DNAH14: variants seen among roughly 807,000 people sequenced by gnomAD.
DNAH14 encodes dynein axonemal heavy chain 14, also known as axonemal beta dynein heavy chain 14.
DNAH14 carries 478 observed loss-of-function variants against 520.9 expected under a neutral mutation model. The observed-to-expected ratio is 0.92, with a 90% CI of 0.85 to 0.99. The LOEUF is 0.99. Among genes scored for constraint, DNAH14 ranks in the 50% least tolerant of loss-of-function variants. The pLI is 0.00. For synonymous variants in DNAH14, 1,581 were observed against 1,757.2 expected, an observed-to-expected ratio of 0.90 and a Z score of 2.51; for missense variants, 4,831 against 5,234.5, an observed-to-expected ratio of 0.92 and a Z score of 2.38.
intron 82 of DNAH14, 38 bp from the exon 83 acceptor site, chr1:225,389,696 T>C (rs748378416): frequency 4.6e-5 from 71 of 1,547,286 alleles, no homozygotes; most frequent in Non-Finnish European, 5.7e-5. Context: ...GCAATTATTA[T>C]GCCCTTAACC....
At chr1:225,008,756 A>C (rs2064425589) in intron 10 of DNAH14, among the ~76,000 whole-genome samples, 1 of 151,854 alleles carries the variant, frequency 6.6e-6, no homozygotes, top group Admixed American at 6.6e-5. Flanking sequence ...CGCCCTTCTA[A>C]CTGGCATGAG....
intron 21 of DNAH14, among the ~76,000 whole-genome samples, chr1:225,096,307 A>T (rs1238969310): frequency 2.0e-5 from 3 of 152,156 alleles, no homozygotes; most frequent in Non-Finnish European, 4.4e-5. Context: ...AAATATGTGC[A>T]GTTTCTTGTG....
intron 8 of DNAH14, among the ~76,000 whole-genome samples, chr1:224,984,664 A>G (rs1201839241): frequency 6.6e-6 from 1 of 152,204 alleles, no homozygotes; most frequent in East Asian, 1.9e-4. Context: ...ACTAATATCC[A>G]GAATCTACAA....
rs1182031695 is a variant in DNAH14 at position 225,377,419 on chromosome 1, T to G, written c.12699T>G (p.Thr4233=). ...NLIAMQPKTT[T]ANLMIRPEQS... Reference sequence around the variant, plus strand: ...TTGCCATGCAACCAAAAACTACCACTGCCAACCTCATGATCAGGTAAGAAC... The same window carrying G: ...TTGCCATGCAACCAAAAACTACCACGGCCAACCTCATGATCAGGTAAGAAC... Residue 4233 remains threonine, a synonymous_variant, in exon 79 of 86, where the codon ACT becomes ACG. Coordinates refer to ENST00000682510, the MANE Select transcript of DNAH14 (RefSeq NM_001367479.1). 6.5e-7 allele frequency: 1 copy of G among 1,550,154 alleles called. No homozygotes were observed. Among genetic ancestry groups the G allele is most frequent in the East Asian group, 2.4e-5 (1 of 40,866 alleles).
intron 21 of DNAH14, among the ~76,000 whole-genome samples, chr1:225,089,464 A>AAAGAG (rs775049047): frequency 7.2e-6 from 1 of 138,462 alleles, no homozygotes; most frequent in Non-Finnish European, 1.6e-5. Context: ...AAAAAAAAAA[A>AAAGAG]AGAGAGCGAG....
rs538853092 is a variant in DNAH14 at position 225,204,272 on chromosome 1, C to T, written c.5976C>T (p.His1992=). 13 of 1,443,214 alleles carry T rather than the reference C, an allele frequency of 9.0e-6. No individual in the cohort carries two copies. The African/African-American group carries it at 1.5e-4, about 16-fold the overall frequency. 89.4% of individuals were successfully genotyped at this position (1,443,214 alleles called of 1,614,324 possible). ...AAGTTGTTAAAATTCCAGAAAATCA[C>T]AGTAAGTGTTACTAAATTCAAGAAA... The part of the protein sequence containing the change: ...IEKVVKIPEN[H]NFDWQWIILD... Residue 1992 remains histidine, a splice_region_variant and synonymous_variant, in exon 39 of 86, where the codon CAC becomes CAT. Transcript: ENST00000682510.
intron 37 of DNAH14, among the ~76,000 whole-genome samples, chr1:225,191,977 G>T (rs1187655260): frequency 6.6e-6 from 1 of 151,648 alleles, no homozygotes; most frequent in East Asian, 1.9e-4. Flanking sequence ...CTTGATCTTT[G>T]CTGGGGTAGT....
chr1:225,247,868 A>C (rs2149685204), intron 43 of DNAH14, among the ~76,000 whole-genome samples: 1 of 152,150 alleles, frequency 6.6e-6, no homozygotes, highest in East Asian at 1.9e-4. Context: ...AAATACAAAA[A>C]ACTAGCCAGG....
intron 35 of DNAH14, among the ~76,000 whole-genome samples, chr1:225,165,691 C>T (rs2081975539): frequency 6.6e-6 from 1 of 151,962 alleles, no homozygotes; most frequent in African/African-American, 2.4e-5. Context: ...TCAAGCAATC[C>T]TCCTGCCTCA....
chr1:225,219,472 A>C (rs2089808754), intron 41 of DNAH14, among the ~76,000 whole-genome samples: 1 of 152,008 alleles, frequency 6.6e-6, no homozygotes, highest in Non-Finnish European at 1.5e-5. Flanking sequence ...ATGATAAAGG[A>C]GAGATCACCA....
chr1:225,170,323 G>A (rs1411657625), intron 36 of DNAH14, among the ~76,000 whole-genome samples: 1 of 152,274 alleles, frequency 6.6e-6, no homozygotes, highest in East Asian at 1.9e-4. Context: ...ACACAGACTG[G>A]CAAATTGGAT....
intron 1 of DNAH14, among the ~76,000 whole-genome samples, chr1:224,944,415 A>G (rs965188041): frequency 1.3e-5 from 2 of 152,186 alleles, no homozygotes; most frequent in African/African-American, 4.8e-5. Context: ...TCCTGAATAC[A>G]GCACACTGAT....
chr1:225,064,167 C>A (rs940452580), intron 17 of DNAH14, among the ~76,000 whole-genome samples: 23 of 152,012 alleles, frequency 1.5e-4, no homozygotes, highest in Admixed American at 2.6e-4. Context: ...ATGACAGATA[C>A]AACCTGTGCT....
At position 225,346,339 on chromosome 1, in the gene DNAH14, A is replaced by G. The variant is rs768852567; in HGVS notation, c.11056A>G (p.Ile3686Val). ...ENEKNLLDKH[I>V]KSAIDMLTKS... Reference sequence around the variant, plus strand: ...TGAGAAAAATCTCTTAGATAAGCATATTAAAAGTGCAATAGACATGTTGAC... The same window carrying G: ...TGAGAAAAATCTCTTAGATAAGCATGTTAAAAGTGCAATAGACATGTTGAC... Residue 3686 changes from isoleucine (I) to valine (V), a missense_variant, in exon 70 of 86, where the codon ATT becomes GTT. Ile to Val is a conservative substitution (Grantham distance 29, BLOSUM62 3). Coordinates refer to ENST00000682510, the MANE Select transcript of DNAH14 (RefSeq NM_001367479.1). The G allele has an allele frequency of 2.6e-6, 4 of 1,536,552 alleles. No homozygotes were observed. The highest frequency in any genetic ancestry group is 2.5e-5 in the South Asian group (2 of 81,380).
Position 225,206,315 on chromosome 1 carries a change from C to A in DNAH14, c.6186+136C>A. The A allele has an allele frequency of 5.3e-6, 4 of 759,016 alleles. No individual in the cohort carries two copies. In the South Asian group the frequency reaches 6.4e-5, roughly 12 times the overall value. The allele number at this position is 759,016 out of a possible 1,614,324, so 47.0% of individuals were successfully genotyped here. A position where few individuals can be genotyped will look rare whatever the true frequency, so the allele number is the denominator to read the frequency against. ...CAGCATGAACTCAATAGTTTCAAATCTTTGTGTCTCCCAAAGCCTCATAAT... is the reference window on the plus strand; with the variant it reads ...CAGCATGAACTCAATAGTTTCAAATATTTGTGTCTCCCAAAGCCTCATAAT... On this transcript the variant is annotated intron_variant, in intron 40 of 85. Coordinates refer to ENST00000682510, the MANE Select transcript of DNAH14 (RefSeq NM_001367479.1).
chr1:225,140,847 C>G lies in DNAH14; in HGVS notation c.4334C>G (p.Ala1445Gly), dbSNP rs200017807. 8.4e-6 allele frequency: 13 copies of G among 1,551,128 alleles called. No individual in the cohort carries two copies. Among genetic ancestry groups the G allele is most frequent in the South Asian group, 8.3e-5 (7 of 84,034 alleles). Residue 1445 changes from alanine (A) to glycine (G), a missense_variant, in exon 28 of 86, where the codon GCT (alanine) becomes GGT (glycine). Transcript: ENST00000682510. Reference protein sequence around the residue: ...YSREKLEKVHAGLMCHLEEVA... With the variant: ...YSREKLEKVHGGLMCHLEEVA... ...AGAGAAAAATTGGAAAAAGTCCACG[C>G]TGGTCTGATGTGTCATCTAGAAGAG... is the stretch of plus-strand genomic sequence containing the variant.
chr1:225,345,897 G>A lies in DNAH14; in HGVS notation c.10679-65G>A. 3 of 1,349,818 alleles carry A rather than the reference G, an allele frequency of 2.2e-6. No individual in the cohort carries two copies. In the South Asian group the frequency reaches 4.3e-5, roughly 20 times the overall value. The allele number at this position is 1,349,818 out of a possible 1,614,324, so 83.6% of individuals were successfully genotyped here. On this transcript the variant is annotated intron_variant, in intron 69 of 85. Transcript: ENST00000682510. The stretch of plus-strand genomic sequence containing the variant: ...CAAACCCTTACACAAAGAGTGCAGA[G>A]TGAGGAAATAGCCATTTACTGTTAC...
At chr1:225,001,492 A>G (rs1027351222) in intron 8 of DNAH14, among the ~76,000 whole-genome samples, 1 of 152,214 alleles carries the variant, frequency 6.6e-6, no homozygotes, top group Admixed American at 6.6e-5. Context: ...ATTCCTTATA[A>G]TACTTATGCT....
chr1:225,367,899 A>G lies in DNAH14; in HGVS notation c.12185A>G (p.Asn4062Ser). ...GAGGTAACAGAAGAGATATTTGAAA[A>G]TCCTGACTGTGGACAATGGTGGAAA... ...SGEVTEEIFENPDCGQWWKKL... is the reference protein window; with the variant it reads ...SGEVTEEIFESPDCGQWWKKL... The change falls in exon 77 of 86, where the codon AAT becomes AGT. Residue 4062 changes from asparagine to serine, a missense_variant. Coordinates refer to ENST00000682510, the MANE Select transcript of DNAH14 (RefSeq NM_001367479.1). 6.4e-7 allele frequency: 1 copy of G among 1,551,670 alleles called. No homozygotes were observed. The highest frequency in any genetic ancestry group is 8.7e-7 in the Non-Finnish European group (1 of 1,146,950).
Sources: gnomAD v4.1 joint callset for allele counts (sites outside exome capture counted in the v4.1 genomes callset) on GRCh38, gnomAD v4.1.1 for gene constraint, MANE v1.5 for transcripts, NCBI Gene and HGNC (gene_info 2026-07-23, HGNC 2026-07-21) for gene names.